MPPED2: variants seen among roughly 807,000 people sequenced by gnomAD.
MPPED2 encodes metallophosphoesterase domain containing 2.
A neutral mutation model predicts 33.0 loss-of-function variants in MPPED2; 5 were observed. The ratio of observed to expected loss-of-function variants is 0.15; its 90% CI spans 0.08 to 0.32. The LOEUF (loss-of-function observed/expected upper bound fraction) is 0.32. Ranked by LOEUF, MPPED2 falls within the 10% of genes least tolerant of loss-of-function variation. MPPED2 has a pLI of 1.00. For synonymous variants in MPPED2, 136 were observed against 141.9 expected (o/e 0.96, Z 0.29); for missense variants, 275 against 372.1 (o/e 0.74, Z 2.15).
intron 3 of MPPED2, among the ~76,000 whole-genome samples, chr11:30,503,592 C>T (rs926026967): frequency 3.9e-5 from 6 of 152,002 alleles, no homozygotes; most frequent in Non-Finnish European, 8.8e-5. Flanking sequence ...AGAGAAAAAC[C>T]CCAGCATTCA....
intron 4 of MPPED2, among the ~76,000 whole-genome samples, chr11:30,457,556 T>C (rs779769666): frequency 3.7e-4 from 57 of 152,212 alleles, no homozygotes; most frequent in Non-Finnish European, 6.0e-4. Context: ...TGGTATTTAC[T>C]TGGTGCCCAT....
At chr11:30,460,196 T>A (rs1188179721) in intron 4 of MPPED2, among the ~76,000 whole-genome samples, 2 of 152,230 alleles carry the variant, frequency 1.3e-5, no homozygotes, top group Non-Finnish European at 2.9e-5. Flanking sequence ...TGGCTTTTCT[T>A]CTGCATTTTG....
At chr11:30,572,284 CTAA>C (rs1564909893) in intron 2 of MPPED2, among the ~76,000 whole-genome samples, 1 of 152,072 alleles carries the variant, frequency 6.6e-6, no homozygotes, top group Non-Finnish European at 1.5e-5. Context: ...AAAAGCAAAT[CTAA>C]TTTTAGATTG....
At position 30,536,115 on chromosome 11, in the gene MPPED2, G is replaced by T; in HGVS notation, c.189C>A (p.Ile63=). The change falls in exon 3 of 7, where the codon ATC becomes ATA. Residue 63 remains isoleucine, a synonymous_variant. Coordinates refer to ENST00000358117, the MANE Select transcript of MPPED2 (RefSeq NM_001584.3). ...CATCTGTTCTGGAGTGTGTGTCTGA[G>T]ATGCAGACAAACCGCGTGTGGCCCG... ...KPAGHTRFVC[I]SDTHSRTDGI... is the part of the protein sequence containing the mutation. 1 of 1,613,204 alleles carries T rather than the reference G, an allele frequency of 6.2e-7. No homozygotes were observed. Among genetic ancestry groups the T allele is most frequent in the Non-Finnish European group, 8.5e-7 (1 of 1,179,712 alleles).
intron 2 of MPPED2, among the ~76,000 whole-genome samples, chr11:30,544,724 G>A (rs1222125378): frequency 6.6e-6 from 1 of 152,178 alleles, no homozygotes; most frequent in Non-Finnish European, 1.5e-5. Flanking sequence ...AAGAATGTTT[G>A]AGGTGCTATG....
At chr11:30,465,603 T>G (rs1175132970) in intron 4 of MPPED2, among the ~76,000 whole-genome samples, 1 of 152,198 alleles carries the variant, frequency 6.6e-6, no homozygotes, top group Admixed American at 6.5e-5. Flanking sequence ...GCCTAGCCTT[T>G]TCTGCTTTGT....
intron 2 of MPPED2, among the ~76,000 whole-genome samples, chr11:30,567,833 C>A (rs1956512750): frequency 6.6e-6 from 1 of 152,190 alleles, no homozygotes; most frequent in African/African-American, 2.4e-5. Context: ...CTGTCTCAGG[C>A]AGCAGGCAAG....
At chr11:30,559,280 A>C (rs1054543056) in intron 2 of MPPED2, among the ~76,000 whole-genome samples, 1 of 152,210 alleles carries the variant, frequency 6.6e-6, no homozygotes, top group Non-Finnish European at 1.5e-5. Context: ...TCTTCTTTGT[A>C]AACCACAGAG....
At chr11:30,562,773 A>G (rs1956289309) in intron 2 of MPPED2, among the ~76,000 whole-genome samples, 1 of 152,028 alleles carries the variant, frequency 6.6e-6, no homozygotes, top group Admixed American at 6.6e-5. Flanking sequence ...AAAATTCTCT[A>G]CTTCTGTTTC....
chr11:30,422,572 G>A (rs144342626), intron 4 of MPPED2, among the ~76,000 whole-genome samples: 1 of 152,142 alleles, frequency 6.6e-6, no homozygotes, highest in Non-Finnish European at 1.5e-5. Flanking sequence ...CCCATCAGGG[G>A]TTCACTGGAA....
chr11:30,520,947 C>G (rs1032363825), intron 3 of MPPED2, among the ~76,000 whole-genome samples: 2 of 152,054 alleles, frequency 1.3e-5, no homozygotes, highest in Non-Finnish European at 2.9e-5. Context: ...AAGCACTTTA[C>G]AGATAAGCAG....
chr11:30,513,525 G>A (rs1393129506), intron 3 of MPPED2, among the ~76,000 whole-genome samples: 3 of 152,168 alleles, frequency 2.0e-5, no homozygotes, highest in African/African-American at 7.2e-5. Flanking sequence ...TGCCAAATAC[G>A]TGATCTTCAG....
At chr11:30,508,591 T>C (rs112123295) in intron 3 of MPPED2, among the ~76,000 whole-genome samples, 1 of 152,270 alleles carries the variant, frequency 6.6e-6, no homozygotes, top group African/African-American at 2.4e-5. Context: ...GTAATACCCT[T>C]CCTAGAAGGC....
chr11:30,449,511 G>T (rs1225250196), intron 4 of MPPED2, among the ~76,000 whole-genome samples: 2 of 147,730 alleles, frequency 1.4e-5, no homozygotes, highest in Non-Finnish European at 2.9e-5. Context: ...GGGTGTGGTG[G>T]CGTGCGCCTG....
intron 4 of MPPED2, among the ~76,000 whole-genome samples, chr11:30,432,466 CA>C (rs1949124389): frequency 6.6e-6 from 1 of 151,924 alleles, no homozygotes; most frequent in African/African-American, 2.4e-5. Flanking sequence ...CAAAACAAAA[CA>C]GCCTAAGCTT....
At chr11:30,388,664 T>A (rs1947731814) in exon 7 of MPPED2, 2 of 424,010 alleles carry the variant, frequency 4.7e-6, no homozygotes, top group African/African-American at 4.0e-5. Flanking sequence ...CTCCCCAGTC[T>A]GTTTCCTCTT....
chr11:30,583,126 G>T (rs1957247956), intron 1 of MPPED2, among the ~76,000 whole-genome samples: 1 of 84,202 alleles, frequency 1.2e-5, no homozygotes, highest in South Asian at 3.9e-4. Context: ...ACCTGGAAAA[G>T]ACTTTTTCTT....
chr11:30,470,489 C>A (rs1590408252), intron 4 of MPPED2, among the ~76,000 whole-genome samples: 1 of 152,234 alleles, frequency 6.6e-6, no homozygotes, highest in East Asian at 1.9e-4. Flanking sequence ...TATGAAGTTT[C>A]TTTTTTATGT....
exon 7 of MPPED2, chr11:30,388,529 G>GTATC: frequency 1.2e-5 from 2 of 164,858 alleles, no homozygotes; most frequent in Non-Finnish European, 1.3e-5. Flanking sequence ...AGGGGATGCC[G>GTATC]AGGCTTAGAG....
Sources: allele counts gnomAD v4.1 joint callset (sites outside exome capture counted in the v4.1 genomes callset), GRCh38; gene constraint gnomAD v4.1.1; transcripts MANE v1.5; gene names NCBI Gene and HGNC (gene_info 2026-07-23, HGNC 2026-07-21).